Variants in THSD7B observed in about 807,000 individuals in gnomAD.
THSD7B encodes thrombospondin type 1 domain containing 7B, also known as thrombospondin type-1 domain-containing protein 7B.
THSD7B carries 138 observed loss-of-function variants against 213.6 expected under a neutral mutation model. The observed-to-expected ratio is 0.65, with a 90% CI of 0.56 to 0.74. THSD7B has a LOEUF of 0.74. THSD7B is among the 30% of genes least tolerant of loss of function. THSD7B has a pLI of 0.00. For missense variants in THSD7B, 1,931 were observed against 1,991.5 expected, an observed-to-expected ratio of 0.97 and a Z score of 0.58; for synonymous variants, 742 against 687.0, an observed-to-expected ratio of 1.08 and a Z score of -1.25.
At chr2:136,998,909 GACACACACACACACACACACACACAC>G (rs57138045) in intron 2 of THSD7B, among the ~76,000 whole-genome samples, 1 of 129,896 alleles carries the variant, frequency 7.7e-6, no homozygotes, top group African/African-American at 2.8e-5. Context: ...ATACCCAACA[GACACACACACACACACACACACACAC>G]ACACACACAC....
At chr2:136,902,303 C>T (rs946366974) in intron 2 of THSD7B, among the ~76,000 whole-genome samples, 1 of 152,112 alleles carries the variant, frequency 6.6e-6, no homozygotes, top group African/African-American at 2.4e-5. Flanking sequence ...CGGAGATTAG[C>T]GAAAAGTACA....
chr2:137,113,128 G>A (rs1221593687), intron 4 of THSD7B, among the ~76,000 whole-genome samples: 1 of 152,138 alleles, frequency 6.6e-6, no homozygotes, highest in Non-Finnish European at 1.5e-5. Context: ...TTCTTTTGGG[G>A]AATCCTTGGA....
intron 2 of THSD7B, among the ~76,000 whole-genome samples, chr2:137,027,988 AAGCATTC>A (rs1158836029): frequency 6.6e-6 from 1 of 152,216 alleles, no homozygotes. Context: ...TGCACATAAT[AAGCATTC>A]AGTAAATGTT....
intron 3 of THSD7B, among the ~76,000 whole-genome samples, chr2:137,060,057 C>T (rs1256473362): frequency 6.6e-6 from 1 of 152,046 alleles, no homozygotes. Flanking sequence ...GGAGTTTTGC[C>T]ATTCGAATAG....
At chr2:137,441,761 G>C (rs1406663391) in intron 14 of THSD7B, among the ~76,000 whole-genome samples, 2 of 152,038 alleles carry the variant, frequency 1.3e-5, no homozygotes, top group Admixed American at 1.3e-4. Flanking sequence ...CTCTCATTTT[G>C]TCAATGTTAT....
chr2:137,256,022 C>T (rs185664209), intron 10 of THSD7B, among the ~76,000 whole-genome samples: 1 of 152,068 alleles, frequency 6.6e-6, no homozygotes, highest in African/African-American at 2.4e-5. Flanking sequence ...ATTTAAAAAT[C>T]CCCCTTCTTC....
intron 12 of THSD7B, among the ~76,000 whole-genome samples, chr2:137,334,517 T>G (rs1413646947): frequency 1.3e-5 from 2 of 152,120 alleles, no homozygotes; most frequent in Non-Finnish European, 2.9e-5. Flanking sequence ...AGCTCAATAT[T>G]AACTCCTCTG....
chr2:137,605,689 A>T (rs1682161887), intron 17 of THSD7B, among the ~76,000 whole-genome samples: 4 of 38,408 alleles, frequency 1.0e-4, no homozygotes, highest in South Asian at 7.8e-4. Context: ...TTTTTTTTTG[A>T]GACGGAGTCC....
At chr2:136,829,758 G>A (rs976695403) in intron 1 of THSD7B, among the ~76,000 whole-genome samples, 15 of 152,168 alleles carry the variant, frequency 9.9e-5, no homozygotes, top group African/African-American at 3.6e-4. Flanking sequence ...AAGCCAGGAA[G>A]AGCAGGCATG....
intron 7 of THSD7B, among the ~76,000 whole-genome samples, chr2:137,230,045 C>T (rs1202722556): frequency 2.6e-5 from 4 of 152,104 alleles, no homozygotes; most frequent in Non-Finnish European, 4.4e-5. Flanking sequence ...AATGACGTCA[C>T]TATTCTTTGT....
At chr2:137,246,499 A>G (rs1682042594) in intron 10 of THSD7B, among the ~76,000 whole-genome samples, 1 of 152,192 alleles carries the variant, frequency 6.6e-6, no homozygotes, top group African/African-American at 2.4e-5. Flanking sequence ...ATAGCAATGG[A>G]TGAATTCCGT....
chr2:137,228,523 G>A (rs1383752990), intron 7 of THSD7B, among the ~76,000 whole-genome samples: 1 of 152,098 alleles, frequency 6.6e-6, no homozygotes, highest in African/African-American at 2.4e-5. Context: ...TTTGGAATTT[G>A]ATGTCAAATA....
At chr2:137,343,646 C>T (rs925568098) in intron 12 of THSD7B, among the ~76,000 whole-genome samples, 5 of 151,692 alleles carry the variant, frequency 3.3e-5, no homozygotes, top group African/African-American at 9.7e-5. Context: ...TTTTAACAAC[C>T]ATGGCCCTAC....
At chr2:137,277,976 G>A (rs935692687) in intron 12 of THSD7B, among the ~76,000 whole-genome samples, 18 of 152,068 alleles carry the variant, frequency 1.2e-4, no homozygotes, top group African/African-American at 3.9e-4. Context: ...GCATGGAGAT[G>A]TATTCTTTGG....
chr2:136,896,241 G>C (rs1683957514), intron 2 of THSD7B, among the ~76,000 whole-genome samples: 2 of 152,192 alleles, frequency 1.3e-5, no homozygotes, highest in East Asian at 1.9e-4. Context: ...GCTAATATTT[G>C]ATATTGTCTT....
rs188178418 is a variant in THSD7B, at chr2:137,134,048, T to C, written c.1369+18755T>C. On this transcript the variant is annotated intron_variant, in intron 5 of 27. Transcript: ENST00000409968. ...TTGAGTATTCACTTTGTGCATGGCA[T>C]GGATATGAGATGTAAGTGCTATATA... Among the ~76,000 whole-genome samples, 140 of 152,346 alleles carry C rather than the reference T, an allele frequency of 9.2e-4. 2 individuals are homozygous for C. Among genetic ancestry groups the C allele is most frequent in the Admixed American group, 7.2e-3 (110 of 15,302 alleles).
At chr2:137,320,573 G>A (rs532687754) in intron 12 of THSD7B, among the ~76,000 whole-genome samples, 30 of 152,304 alleles carry the variant, frequency 2.0e-4, no homozygotes, top group African/African-American at 5.5e-4. Context: ...ATGTGGACTA[G>A]TGTCAGGGTT....
chr2:137,466,745 A>T (rs1465709663), intron 15 of THSD7B, among the ~76,000 whole-genome samples: 1 of 152,148 alleles, frequency 6.6e-6, no homozygotes, highest in Non-Finnish European at 1.5e-5. Flanking sequence ...TTAAGCCAAA[A>T]TGGGCTTGAA....
At chr2:136,911,311 C>T (rs1249656127) in intron 2 of THSD7B, among the ~76,000 whole-genome samples, 1 of 152,036 alleles carries the variant, frequency 6.6e-6, no homozygotes, top group Non-Finnish European at 1.5e-5. Context: ...AAATGCCATT[C>T]ATTAATAATT....
Sources: allele counts gnomAD v4.1 joint callset (sites outside exome capture counted in the v4.1 genomes callset), GRCh38; gene constraint gnomAD v4.1.1; transcripts MANE v1.5; gene names NCBI Gene and HGNC (gene_info 2026-07-23, HGNC 2026-07-21).